The following PHLDB2 variants were observed in gnomAD, a reference collection of about 807,000 sequenced individuals.
PHLDB2 encodes the protein pleckstrin homology like domain family B member 2, also known as pleckstrin homology-like domain family B member 2.
Under a neutral mutation model 123.6 loss-of-function variants are expected in PHLDB2, and 71 were observed. That is an observed-to-expected ratio of 0.57 (90% CI 0.47 to 0.70). The LOEUF is 0.70. Ranked by LOEUF, PHLDB2 falls within the 30% of genes least tolerant of loss-of-function variation. The pLI is 0.00. For missense variants in PHLDB2, 1,446 were observed against 1,519.5 expected, an observed-to-expected ratio of 0.95 and a Z score of 0.80; for synonymous variants, 547 against 541.6, an observed-to-expected ratio of 1.01 and a Z score of -0.14.
intron 2 of PHLDB2, among the ~76,000 whole-genome samples, chr3:111,900,243 A>G (rs2067115673): frequency 1.3e-5 from 2 of 152,232 alleles, no homozygotes; most frequent in African/African-American, 2.4e-5. Context: ...GTGCGTGAAG[A>G]ATCACCTTTA....
intron 1 of PHLDB2, among the ~76,000 whole-genome samples, chr3:111,806,748 A>G (rs918621108): frequency 5.3e-5 from 8 of 150,862 alleles, no homozygotes; most frequent in Non-Finnish European, 1.2e-4. Context: ...GGCCTCCCAG[A>G]GTGCTGGGAT....
intron 1 of PHLDB2, among the ~76,000 whole-genome samples, chr3:111,772,631 A>G (rs899516293): frequency 9.2e-5 from 14 of 152,202 alleles, no homozygotes; most frequent in African/African-American, 2.9e-4. Flanking sequence ...GACCTAGCCA[A>G]GTCTAAATTA....
Position 111,752,073 on chromosome 3 carries a change from C to G in PHLDB2, c.-49+19370C>G, listed in dbSNP as rs376996794. Among the ~76,000 whole-genome samples, 46 of 152,318 alleles carry G rather than the reference C, an allele frequency of 3.0e-4. 1 individual carries two copies. In the East Asian group the frequency reaches 6.4e-3, roughly 21 times the overall value. Reference sequence around the variant, plus strand: ...ACTAACTCAAGCCCTGAGCAAACCACAGAAACATAAACTACCATATGGGGG... The same window carrying G: ...ACTAACTCAAGCCCTGAGCAAACCAGAGAAACATAAACTACCATATGGGGG... On this transcript the variant is annotated intron_variant, in intron 1 of 17. Transcript: ENST00000393923.
At chr3:111,874,661 T>C (rs1176812955) in intron 1 of PHLDB2, among the ~76,000 whole-genome samples, 1 of 152,216 alleles carries the variant, frequency 6.6e-6, no homozygotes, top group Non-Finnish European at 1.5e-5. Context: ...TTCTCTCATA[T>C]TTCATTGATC....
At chr3:111,802,960 A>G (rs2061432797) in intron 1 of PHLDB2, among the ~76,000 whole-genome samples, 1 of 152,260 alleles carries the variant, frequency 6.6e-6, no homozygotes, top group South Asian at 2.1e-4. Flanking sequence ...AAGCAGAAAT[A>G]TAAAATAAAG....
intron 5 of PHLDB2, among the ~76,000 whole-genome samples, chr3:111,923,121 G>A (rs1456916347): frequency 6.6e-6 from 1 of 152,046 alleles, no homozygotes; most frequent in African/African-American, 2.4e-5. Flanking sequence ...TGGGTATACT[G>A]TGTCTCCTTT....
At chr3:111,811,903 T>C (rs765849504) in intron 1 of PHLDB2, among the ~76,000 whole-genome samples, 10 of 152,202 alleles carry the variant, frequency 6.6e-5, no homozygotes, top group Non-Finnish European at 1.3e-4. Context: ...TTCATTTTTG[T>C]GACCTTCATC....
At chr3:111,802,002 G>A (rs2061395582) in intron 1 of PHLDB2, among the ~76,000 whole-genome samples, 1 of 152,134 alleles carries the variant, frequency 6.6e-6, no homozygotes, top group African/African-American at 2.4e-5. Flanking sequence ...ATAAAGGGTG[G>A]ATATTATAGT....
chr3:111,884,768 T>G lies in PHLDB2; in HGVS notation c.691T>G (p.Ser231Ala). The G allele has an allele frequency of 1.2e-6, 2 of 1,614,084 alleles. No individual in the cohort carries two copies. The highest frequency in any genetic ancestry group is 1.7e-6 in the Non-Finnish European group (2 of 1,180,014). ...GTTAACTAGACACAAGGAGCTTGCA[T>G]CTGAAAACATCAATTTGAGAACTAG... ...PKLTRHKELA[S>A]ENINLRTRKY... Residue 231 changes from serine to alanine, a missense_variant, in exon 2 of 18, where the codon TCT (serine) becomes GCT (alanine). Around this residue, in one of 3 missense-constraint regions of PHLDB2, gnomAD observed 832 missense variants for 831.9 expected, o/e 1.00. Transcript: ENST00000431670.
chr3:111,773,020 A>C (rs1338902686), intron 1 of PHLDB2, among the ~76,000 whole-genome samples: 1 of 152,110 alleles, frequency 6.6e-6, no homozygotes, highest in Non-Finnish European at 1.5e-5. Context: ...TCCTTTCTTG[A>C]GTTTAAGTAT....
chr3:111,873,208 T>C (rs1315593722), intron 1 of PHLDB2, among the ~76,000 whole-genome samples: 2 of 152,206 alleles, frequency 1.3e-5, no homozygotes, highest in Non-Finnish European at 2.9e-5. Context: ...AACACTACTT[T>C]GGAAAATTCT....
At chr3:111,811,845 T>C (rs755649657) in intron 1 of PHLDB2, among the ~76,000 whole-genome samples, 10 of 152,150 alleles carry the variant, frequency 6.6e-5, no homozygotes, top group Non-Finnish European at 1.3e-4. Context: ...GCCATTATGA[T>C]AAAGTCCAGG....
chr3:111,879,985 C>CTTTTTT (rs33958199), intron 1 of PHLDB2, among the ~76,000 whole-genome samples: 1 of 108,230 alleles, frequency 9.2e-6, no homozygotes, highest in African/African-American at 3.6e-5. Context: ...TACCCACTGC[C>CTTTTTT]TTTTTTTTTT....
chr3:111,947,837 T>C (rs2070417691), intron 9 of PHLDB2, among the ~76,000 whole-genome samples: 1 of 152,232 alleles, frequency 6.6e-6, no homozygotes, highest in African/African-American at 2.4e-5. Context: ...TTATCAACCC[T>C]TTCAAGGTTT....
At chr3:111,866,313 C>T (rs1022978214) in intron 1 of PHLDB2, among the ~76,000 whole-genome samples, 3 of 151,946 alleles carry the variant, frequency 2.0e-5, no homozygotes, top group Non-Finnish European at 2.9e-5. Context: ...CCACCGAGCC[C>T]GGCCTCATGT....
At chr3:111,811,102 G>A (rs1316001865) in intron 1 of PHLDB2, among the ~76,000 whole-genome samples, 1 of 152,162 alleles carries the variant, frequency 6.6e-6, no homozygotes, top group African/African-American at 2.4e-5. Flanking sequence ...GAGACCAGGG[G>A]ATGTCTCATC....
chr3:111,884,290 C>T lies in PHLDB2; in HGVS notation c.213C>T (p.Ser71=). Residue 71 remains serine, a synonymous_variant, in exon 2 of 18, where the codon AGC becomes AGT. Coordinates refer to ENST00000431670, the MANE Select transcript of PHLDB2 (RefSeq NM_001134438.2). The part of the protein sequence containing the change: ...TLSQPVPAKR[S]PSPLGTSVRS... ...CACAACCTGTGCCTGCAAAGAGAAG[C>T]CCTTCTCCTTTGGGAACCAGTGTCA... 1 of 1,614,166 alleles carries T rather than the reference C, an allele frequency of 6.2e-7. No homozygotes were observed. Among genetic ancestry groups the T allele is most frequent in the Non-Finnish European group, 8.5e-7 (1 of 1,180,016 alleles).
intron 6 of PHLDB2, among the ~76,000 whole-genome samples, chr3:111,932,998 C>G (rs2069232512): frequency 1.3e-5 from 2 of 152,238 alleles, no homozygotes; most frequent in African/African-American, 4.8e-5. Context: ...GCAGCATAGA[C>G]TTTCTAGTTA....
chr3:111,905,496 A>C (rs1577051479), intron 2 of PHLDB2, among the ~76,000 whole-genome samples: 1 of 152,094 alleles, frequency 6.6e-6, no homozygotes, highest in African/African-American at 2.4e-5. Flanking sequence ...AGCTGGGACT[A>C]CAGGTGCGTG....
Sources: gnomAD v4.1 joint callset for allele counts (sites outside exome capture counted in the v4.1 genomes callset) on GRCh38, gnomAD v4.1.1 for gene constraint, gnomAD v4.1.1 regional missense constraint, MANE v1.5 for transcripts, NCBI Gene and HGNC (gene_info 2026-07-23, HGNC 2026-07-21) for gene names.